DDX46: variants seen among roughly 807,000 people sequenced by gnomAD.
DDX46 encodes the protein DEAD-box helicase 46.
A neutral mutation model predicts 134.9 loss-of-function variants in DDX46; 30 were observed. The ratio of observed to expected loss-of-function variants is 0.22; its 90% CI spans 0.17 to 0.30. The LOEUF (loss-of-function observed/expected upper bound fraction) is 0.30. DDX46 is among the 10% of genes least tolerant of loss of function. The pLI, the probability that DDX46 is intolerant of heterozygous loss-of-function variation, is 1.00. For missense variants in DDX46, 622 were observed against 1,248.7 expected, an observed-to-expected ratio of 0.50 and a Z score of 7.56; for synonymous variants, 415 against 404.1, an observed-to-expected ratio of 1.03 and a Z score of -0.32.
At position 134,768,481 on chromosome 5, in the gene DDX46, T is replaced by C. The variant is rs186898927; in HGVS notation, c.350+1421T>C. ...AAATAAGACTGCCTACCTTATTCTGTGTACAAAAAGCAATTCCAAGCAAAG... is the reference window on the plus strand; with the variant it reads ...AAATAAGACTGCCTACCTTATTCTGCGTACAAAAAGCAATTCCAAGCAAAG... On this transcript the variant is annotated intron_variant, in intron 3 of 22. Coordinates refer to ENST00000452510, the MANE Select transcript of DDX46 (RefSeq NM_001300860.2). Among the ~76,000 whole-genome samples, 3 of 151,268 alleles carry C rather than the reference T, an allele frequency of 2.0e-5. No homozygotes were observed. In the East Asian group the frequency reaches 5.8e-4, roughly 29 times the overall value.
At chr5:134,802,498 T>TG (rs1754863750) in intron 15 of DDX46, among the ~76,000 whole-genome samples, 1 of 119,786 alleles carries the variant, frequency 8.3e-6, no homozygotes, top group African/African-American at 4.7e-5. Context: ...AACATTATCG[T>TG]TTTTTTTTTT....
intron 18 of DDX46, among the ~76,000 whole-genome samples, chr5:134,813,920 C>T (rs572398233): frequency 5.3e-5 from 8 of 152,166 alleles, no homozygotes; most frequent in Admixed American, 1.3e-4. Context: ...CCACCATGCC[C>T]AGCCCACTTT....
intron 15 of DDX46, among the ~76,000 whole-genome samples, chr5:134,800,689 T>G (rs796280861): frequency 2.6e-5 from 4 of 152,122 alleles, no homozygotes; most frequent in African/African-American, 9.6e-5. Flanking sequence ...GTTTGTTTGT[T>G]TTTGAGGCAG....
chr5:134,827,722 C>T (rs1755627713), intron 22 of DDX46, among the ~76,000 whole-genome samples: 2 of 152,052 alleles, frequency 1.3e-5, no homozygotes, highest in African/African-American at 4.8e-5. Flanking sequence ...AGCAATAATT[C>T]ATTTTCATGG....
In DDX46 at chr5:134,820,097, T is replaced by C. The variant is rs954790304; in HGVS notation, c.2977+1093T>C. On this transcript the variant is annotated intron_variant, in intron 21 of 22. Coordinates refer to ENST00000452510, the MANE Select transcript of DDX46 (RefSeq NM_001300860.2). The stretch of plus-strand genomic sequence containing the variant: ...CCACCATGCCTGGCTCATTTTTGTA[T>C]TTTTAGTAGAGACGGGGTTTCACCA... Among the ~76,000 whole-genome samples the C allele has an allele frequency of 2.2e-4, 34 of 151,974 alleles. 1 individual carries two copies. The highest frequency in any genetic ancestry group is 1.5e-4 in the Non-Finnish European group (10 of 68,002).
intron 6 of DDX46, among the ~76,000 whole-genome samples, chr5:134,780,301 C>T (rs1017388159): frequency 6.7e-6 from 1 of 150,204 alleles, no homozygotes; most frequent in Admixed American, 6.7e-5. Context: ...TGCTGACTCA[C>T]GCCTGTCATC....
At chr5:134,788,096 C>A (rs1561861865) in intron 11 of DDX46, among the ~76,000 whole-genome samples, 1 of 151,516 alleles carries the variant, frequency 6.6e-6, no homozygotes, top group Non-Finnish European at 1.5e-5. Flanking sequence ...TGGCAACCCT[C>A]AATTTGAAAA....
chr5:134,779,465 A>G (rs1389231176), intron 6 of DDX46, among the ~76,000 whole-genome samples: 1 of 152,192 alleles, frequency 6.6e-6, no homozygotes, highest in Non-Finnish European at 1.5e-5. Flanking sequence ...AAGTGCTGGG[A>G]TTACAAGCGT....
At chr5:134,779,552 C>T (rs1370999714) in intron 6 of DDX46, among the ~76,000 whole-genome samples, 1 of 152,030 alleles carries the variant, frequency 6.6e-6, no homozygotes, top group Non-Finnish European at 1.5e-5. Context: ...CTGTGTTACC[C>T]AGGCTGGAGT....
chr5:134,807,987 A>C, intron 16 of DDX46, 46 bp downstream of exon 16: 1 of 1,508,616 alleles, frequency 6.6e-7, no homozygotes, highest in Non-Finnish European at 9.0e-7. Context: ...ATTAAAATAC[A>C]GGTGTTTCTT....
Position 134,828,964 on chromosome 5 carries a change from C to G in DDX46, c.*258C>G, listed in dbSNP as rs961562211. ...CTCAAATATCAATATTTTAAATGTC[C>G]GGATAATATTCTAGAGGTTTAAAAA... On this transcript the variant is annotated 3_prime_UTR_variant, in exon 23 of 23. Transcript: ENST00000452510. 2 of 288,018 alleles carry G rather than the reference C, an allele frequency of 6.9e-6. No individual in the cohort carries two copies. The highest frequency in any genetic ancestry group is 4.3e-5 in the African/African-American group (2 of 46,092). 17.8% of individuals were successfully genotyped at this position (288,018 alleles called of 1,614,324 possible).
intron 13 of DDX46, among the ~76,000 whole-genome samples, chr5:134,792,684 A>T (rs1037814206): frequency 1.1e-4 from 16 of 152,252 alleles, no homozygotes; most frequent in African/African-American, 3.9e-4. Flanking sequence ...AGTGTGAATC[A>T]TTCCTTGCCA....
At chr5:134,808,100 A>G (rs1480410044) in intron 16 of DDX46, among the ~76,000 whole-genome samples, 159 bp downstream of exon 16, 1 of 152,194 alleles carries the variant, frequency 6.6e-6, no homozygotes, top group Non-Finnish European at 1.5e-5. Context: ...ATATACATGT[A>G]CAGGTCTAAG....
chr5:134,828,593 CGTT>C, intron 22 of DDX46, 63 bp from the exon 23 acceptor site: 13 of 880,428 alleles, frequency 1.5e-5, no homozygotes, highest in Non-Finnish European at 1.9e-5. Flanking sequence ...TTGGTTGGTT[CGTT>C]TTTTTTTTTT....
intron 13 of DDX46, among the ~76,000 whole-genome samples, chr5:134,794,529 A>G (rs1351396868): frequency 6.6e-6 from 1 of 152,228 alleles, no homozygotes; most frequent in African/African-American, 2.4e-5. Context: ...ACCTGGTTCA[A>G]AATGGGTCTT....
intron 16 of DDX46, among the ~76,000 whole-genome samples, chr5:134,810,048 CTGTT>C (rs945617266): frequency 1.1e-4 from 17 of 152,014 alleles, no homozygotes. Flanking sequence ...CAACAGTTGA[CTGTT>C]TGGGTCAGAT....
intron 1 of DDX46, among the ~76,000 whole-genome samples, chr5:134,760,145 A>C (rs765141793): frequency 5.3e-5 from 8 of 152,200 alleles, no homozygotes; most frequent in Non-Finnish European, 1.2e-4. Flanking sequence ...AGATAAGATG[A>C]TGGCATGCCC....
At chr5:134,760,800 G>T (rs1160876455) in intron 1 of DDX46, among the ~76,000 whole-genome samples, 1 of 152,112 alleles carries the variant, frequency 6.6e-6, no homozygotes. Flanking sequence ...TGGGATCTCG[G>T]CTCACTGCAA....
rs140976436 is a variant in DDX46 at position 134,803,228 on chromosome 5, A to G, written c.1955-4520A>G. Among the ~76,000 whole-genome samples the G allele has an allele frequency of 5.5e-3, 833 of 152,194 alleles. 4 individuals are homozygous for G. Among genetic ancestry groups the G allele is most frequent in the Middle Eastern group, 0.041 (12 of 294 alleles). ...AGGCTGGTCTGGAACTCCTGACCTC[A>G]GGTGATCCACCCACCTTGGCCTCCC... On this transcript the variant is annotated intron_variant, in intron 15 of 22. Coordinates refer to ENST00000452510, the MANE Select transcript of DDX46 (RefSeq NM_001300860.2).
Sources: gnomAD v4.1 joint callset for allele counts (sites outside exome capture counted in the v4.1 genomes callset) on GRCh38, gnomAD v4.1.1 for gene constraint, MANE v1.5 for transcripts, NCBI Gene and HGNC (gene_info 2026-07-23, HGNC 2026-07-21) for gene names.